Variants in PTPRD observed in about 807,000 individuals in gnomAD.
The protein encoded by PTPRD is protein tyrosine phosphatase receptor type D.
A neutral mutation model predicts 214.5 loss-of-function variants in PTPRD; 34 were observed. The ratio of observed to expected loss-of-function variants is 0.16; its 90% CI spans 0.12 to 0.21. PTPRD has a LOEUF of 0.21. Among genes scored for constraint, PTPRD ranks in the 10% least tolerant of loss-of-function variants. The pLI, the probability that PTPRD is intolerant of heterozygous loss-of-function variation, is 1.00. For missense variants in PTPRD, 2,545 were observed against 2,398.7 expected (o/e 1.06, Z -1.27); for synonymous variants, 1,128 against 845.7 (o/e 1.33, Z -5.79).
chr9:9,349,223 T>A (rs1336777150), intron 9 of PTPRD, among the ~76,000 whole-genome samples: 2 of 152,136 alleles, frequency 1.3e-5, no homozygotes, highest in African/African-American at 4.8e-5. Context: ...TGTTAAATTC[T>A]GAGCTCCTTA....
chr9:10,344,363 C>A (rs1052400793), intron 2 of PTPRD, among the ~76,000 whole-genome samples: 1 of 151,882 alleles, frequency 6.6e-6, no homozygotes, highest in African/African-American at 2.4e-5. Flanking sequence ...ATTTCTGAGG[C>A]CTCTGTTCTG....
At chr9:9,805,603 A>C (rs751504960) in intron 5 of PTPRD, among the ~76,000 whole-genome samples, 8 of 152,210 alleles carry the variant, frequency 5.3e-5, no homozygotes, top group Non-Finnish European at 7.3e-5. Flanking sequence ...GGGTTTATAC[A>C]TACTGAGATT....
At chr9:9,694,353 C>G (rs2097331244) in intron 7 of PTPRD, among the ~76,000 whole-genome samples, 1 of 151,978 alleles carries the variant, frequency 6.6e-6, no homozygotes, top group Non-Finnish European at 1.5e-5. Context: ...TGGATGAATT[C>G]TCTACATTGC....
chr9:10,369,572 T>C (rs1212970192), intron 2 of PTPRD, among the ~76,000 whole-genome samples: 1 of 152,124 alleles, frequency 6.6e-6, no homozygotes, highest in Non-Finnish European at 1.5e-5. Flanking sequence ...TGAAACCAGA[T>C]GATTTTTAAA....
chr9:8,573,130 G>A (rs530108663), intron 14 of PTPRD, among the ~76,000 whole-genome samples: 5 of 151,922 alleles, frequency 3.3e-5, no homozygotes, highest in Admixed American at 2.0e-4. Flanking sequence ...CACACCTCTG[G>A]CTATGTATTG....
intron 3 of PTPRD, among the ~76,000 whole-genome samples, chr9:10,108,304 ATT>A (rs980276608): frequency 2.0e-5 from 3 of 151,908 alleles, no homozygotes; most frequent in Non-Finnish European, 4.4e-5. Context: ...TCACAAACGT[ATT>A]TTTTTTGTAG....
At chr9:9,814,066 T>G (rs1431318474) in intron 5 of PTPRD, among the ~76,000 whole-genome samples, 2 of 152,084 alleles carry the variant, frequency 1.3e-5, no homozygotes, top group South Asian at 2.1e-4. Flanking sequence ...TCTCAATAGA[T>G]GCAGAAAATG....
intron 9 of PTPRD, among the ~76,000 whole-genome samples, chr9:9,331,225 C>T (rs372974004): frequency 6.6e-6 from 1 of 152,072 alleles, no homozygotes; most frequent in Non-Finnish European, 1.5e-5. Context: ...TCTTTTATAA[C>T]TTTAGCTTGC....
chr9:10,278,819 G>T (rs765464743), intron 3 of PTPRD, among the ~76,000 whole-genome samples: 4 of 150,840 alleles, frequency 2.7e-5, no homozygotes, highest in Non-Finnish European at 5.9e-5. Context: ...CTGTTGCCCA[G>T]GCTGGAGTGC....
At chr9:10,181,429 CTG>C (rs2099284925) in intron 3 of PTPRD, among the ~76,000 whole-genome samples, 2 of 152,088 alleles carry the variant, frequency 1.3e-5, no homozygotes, top group African/African-American at 4.8e-5. Flanking sequence ...TTGTGGATAT[CTG>C]TTTTTCTAAA....
chr9:10,346,982 T>C (rs1471969981), intron 2 of PTPRD, among the ~76,000 whole-genome samples: 1 of 152,152 alleles, frequency 6.6e-6, no homozygotes, highest in Admixed American at 6.6e-5. Flanking sequence ...ATAAACCAAA[T>C]GTTTAAATAC....
At chr9:9,639,911 T>C (rs2095881331) in intron 7 of PTPRD, among the ~76,000 whole-genome samples, 1 of 152,208 alleles carries the variant, frequency 6.6e-6, no homozygotes, top group African/African-American at 2.4e-5. Flanking sequence ...GAAGAGATTA[T>C]AGGAAAAGAA....
At chr9:10,102,745 C>A (rs997885653) in intron 3 of PTPRD, among the ~76,000 whole-genome samples, 21 of 151,560 alleles carry the variant, frequency 1.4e-4, no homozygotes, top group African/African-American at 4.8e-4. Context: ...CCAAGTGCTT[C>A]AAAATGAGTA....
chr9:9,008,388 C>T lies in PTPRD; in HGVS notation c.-104+10309G>A, dbSNP rs149363652. Reference sequence around the variant, plus strand: ...GACTACAGGCTCCCGCCACCACACCCGGCTAATTTTTTGTATTTTTATTAG... The same window carrying T: ...GACTACAGGCTCCCGCCACCACACCTGGCTAATTTTTTGTATTTTTATTAG... On this transcript the variant is annotated intron_variant, in intron 11 of 45. Coordinates refer to ENST00000381196, the MANE Select transcript of PTPRD (RefSeq NM_002839.4). 9.7e-4 allele frequency among the ~76,000 whole-genome samples: 147 copies of T among 151,732 alleles called. 6 individuals are homozygous for T. In the East Asian group the frequency reaches 0.026, roughly 27 times the overall value.
At chr9:9,480,565 T>A (rs1215630745) in intron 8 of PTPRD, among the ~76,000 whole-genome samples, 1 of 152,130 alleles carries the variant, frequency 6.6e-6, no homozygotes, top group Non-Finnish European at 1.5e-5. Context: ...ATTTCAAAGT[T>A]TGTATTGATG....
intron 9 of PTPRD, among the ~76,000 whole-genome samples, chr9:9,220,881 A>G (rs1251994558): frequency 1.3e-5 from 2 of 152,054 alleles, no homozygotes; most frequent in African/African-American, 2.4e-5. Flanking sequence ...GAGGTACTAC[A>G]ATTTATTTTG....
chr9:8,464,148 G>T (rs1026047088), intron 32 of PTPRD, among the ~76,000 whole-genome samples: 1 of 151,848 alleles, frequency 6.6e-6, no homozygotes, highest in African/African-American at 2.4e-5. Context: ...GTAGTTCAGT[G>T]GTTCAGTCTG....
intron 7 of PTPRD, among the ~76,000 whole-genome samples, chr9:9,584,557 T>A (rs2091561473): frequency 6.6e-6 from 1 of 151,924 alleles, no homozygotes; most frequent in Non-Finnish European, 1.5e-5. Flanking sequence ...TGTTCACATA[T>A]TAAGTGTATG....
At chr9:9,010,611 T>C (rs770933142) in intron 11 of PTPRD, among the ~76,000 whole-genome samples, 2 of 152,204 alleles carry the variant, frequency 1.3e-5, no homozygotes, top group Non-Finnish European at 2.9e-5. Flanking sequence ...TCTTACTGAG[T>C]GGCCCTCTTC....
Sources: allele counts gnomAD v4.1 joint callset (sites outside exome capture counted in the v4.1 genomes callset), GRCh38; gene constraint gnomAD v4.1.1; transcripts MANE v1.5; gene names NCBI Gene and HGNC (gene_info 2026-07-23, HGNC 2026-07-21).